The following TACC1 variants were observed in gnomAD, a reference collection of about 807,000 sequenced individuals.
The protein encoded by TACC1 is transforming acidic coiled-coil containing protein 1, also known as transforming acidic coiled-coil-containing protein 1.
Under a neutral mutation model 84.4 loss-of-function variants are expected in TACC1, and 48 were observed. The observed-to-expected ratio is 0.57, with a 90% CI of 0.45 to 0.72. TACC1 has a LOEUF of 0.72. Ranked by LOEUF, TACC1 falls within the 30% of genes least tolerant of loss-of-function variation. The pLI is 0.00. For missense variants in TACC1, 920 were observed against 973.0 expected, an observed-to-expected ratio of 0.95 and a Z score of 0.72; for synonymous variants, 372 against 376.3, an observed-to-expected ratio of 0.99 and a Z score of 0.13.
At chr8:38,733,272 C>T (rs1805322088) in intron 1 of TACC1, among the ~76,000 whole-genome samples, 1 of 151,952 alleles carries the variant, frequency 6.6e-6, no homozygotes. Flanking sequence ...GCAATAAATA[C>T]CCTCCATCTC....
Position 38,820,367 on chromosome 8 carries a change from G to A in TACC1, c.1123G>A (p.Gly375Arg), listed in dbSNP as rs764053112. ...GCCTACAGACCCAGTGGCACGAGAC[G>A]GGCCTCTCTCCCAAACATCTTCCAA... The part of the protein sequence containing the change: ...EQPTDPVARD[G>R]PLSQTSSKPD... The change falls in exon 3 of 13, where the codon GGG becomes AGG. Residue 375 changes from glycine (G) to arginine (R), a missense_variant. This residue lies in a region of TACC1 where 762 missense variants were observed against 747.3 expected (regional missense o/e 1.02). Coordinates refer to ENST00000317827, the MANE Select transcript of TACC1 (RefSeq NM_006283.3). 22 of 1,613,950 alleles carry A rather than the reference G, an allele frequency of 1.4e-5. No individual in the cohort carries two copies. Among genetic ancestry groups the A allele is most frequent in the African/African-American group, 4.0e-5 (3 of 74,884 alleles).
intron 6 of TACC1, among the ~76,000 whole-genome samples, chr8:38,834,285 C>T (rs1006821381): frequency 6.6e-6 from 1 of 152,190 alleles, no homozygotes; most frequent in African/African-American, 2.4e-5. Context: ...GCAGAGACAT[C>T]GGCTCCTTGC....
At chr8:38,827,396 C>G (rs1426550413) in intron 5 of TACC1, 21 bp downstream of exon 5, 1 of 1,611,504 alleles carries the variant, frequency 6.2e-7, no homozygotes, top group Non-Finnish European at 8.5e-7. Context: ...ATATCTTCAT[C>G]TTTCTAATGT....
chr8:38,837,528 C>T (rs142828381), intron 7 of TACC1, among the ~76,000 whole-genome samples: 154 of 152,280 alleles, frequency 1.0e-3, no homozygotes, highest in African/African-American at 3.3e-3. Context: ...TAGGGTCAAG[C>T]GATCCTCTTG....
chr8:38,730,611 G>A (rs1804732811), intron 1 of TACC1, among the ~76,000 whole-genome samples: 1 of 152,328 alleles, frequency 6.6e-6, no homozygotes, highest in African/African-American at 2.4e-5. Context: ...CTGGCTTGAG[G>A]GCACCCTGCC....
At chr8:38,827,079 T>C in intron 4 of TACC1, 89 bp from the exon 5 acceptor site, 1 of 1,112,334 alleles carries the variant, frequency 9.0e-7, no homozygotes, top group Non-Finnish European at 1.3e-6. Flanking sequence ...TGTATGGAGT[T>C]GTGTCTACTT....
chr8:38,812,131 C>G (rs1449109481), intron 2 of TACC1, among the ~76,000 whole-genome samples: 3 of 152,108 alleles, frequency 2.0e-5, no homozygotes, highest in African/African-American at 4.8e-5. Flanking sequence ...GCTCTCGAAC[C>G]CTGTTTTCTG....
At chr8:38,772,749 G>A (rs544270906) in intron 3 of TACC1, among the ~76,000 whole-genome samples, 147 of 151,872 alleles carry the variant, frequency 9.7e-4, no homozygotes, top group Non-Finnish European at 1.6e-3. Context: ...GTTAATAAAT[G>A]TAAATAAATA....
intron 1 of TACC1, chr8:38,788,222 G>C (rs1817774313): frequency 5.8e-6 from 1 of 173,328 alleles, no homozygotes; most frequent in African/African-American, 2.4e-5. Flanking sequence ...TCTCTGCCGG[G>C]CTGTCATCCG....
At chr8:38,763,400 T>TC (rs1389019690) in intron 3 of TACC1, among the ~76,000 whole-genome samples, 1 of 151,734 alleles carries the variant, frequency 6.6e-6, no homozygotes, top group Non-Finnish European at 1.5e-5. Context: ...CAAATAATTC[T>TC]CCCCCCTCAG....
intron 3 of TACC1, among the ~76,000 whole-genome samples, chr8:38,754,115 G>A (rs1381622354): frequency 1.3e-4 from 19 of 151,814 alleles, no homozygotes; most frequent in Admixed American, 1.2e-3. Context: ...CACCACACTT[G>A]GCTAATTTTT....
Position 38,846,709 on chromosome 8 carries a change from G to A in TACC1, c.2239G>A (p.Glu747Lys), listed in dbSNP as rs752964640. 6.2e-7 allele frequency: 1 copy of A among 1,614,112 alleles called. No homozygotes were observed. Among genetic ancestry groups the A allele is most frequent in the Non-Finnish European group, 8.5e-7 (1 of 1,180,014 alleles). The change falls in exon 12 of 13, where the codon GAG (glutamate) becomes AAG (lysine). Residue 747 changes from glutamate to lysine, a missense_variant. This residue lies in a region of TACC1 where 158 missense variants were observed against 225.6 expected (regional missense o/e 0.70). Transcript: ENST00000317827. ...AEEKLDKANE[E>K]IAQVRTKAKA... ...AAACACCATAAACAGAGCCAATGAA[G>A]AGATTGCTCAGGTTCGAACAAAAGC...
At chr8:38,771,664 C>G (rs1813644357) in intron 3 of TACC1, among the ~76,000 whole-genome samples, 2 of 152,188 alleles carry the variant, frequency 1.3e-5, no homozygotes, top group Admixed American at 6.5e-5. Context: ...CACAGATGGT[C>G]AGGCCCACCC....
intron 2 of TACC1, among the ~76,000 whole-genome samples, chr8:38,792,358 A>G (rs1433155964): frequency 1.3e-5 from 2 of 152,202 alleles, no homozygotes; most frequent in Non-Finnish European, 1.5e-5. Flanking sequence ...CAGTAGTATG[A>G]TCATAGCTTA....
At chr8:38,742,953 G>T (rs1439761272) in intron 2 of TACC1, among the ~76,000 whole-genome samples, 1 of 152,300 alleles carries the variant, frequency 6.6e-6, no homozygotes, top group East Asian at 1.9e-4. Context: ...GACCTCAAGA[G>T]ATTCACCTGT....
chr8:38,820,361 C>T lies in TACC1; in HGVS notation c.1117C>T (p.Arg373Ter), dbSNP rs149014810. The T allele has an allele frequency of 6.8e-6, 11 of 1,614,150 alleles. No homozygotes were observed. Among genetic ancestry groups the T allele is most frequent in the East Asian group, 2.2e-5 (1 of 44,878 alleles). Residue 373 changes from arginine to a stop codon, truncating the protein, a stop_gained, in exon 3 of 13, where the codon CGA (arginine) becomes TGA (stop). Transcript: ENST00000317827. LOFTEE classifies it high-confidence loss of function. The stretch of plus-strand genomic sequence containing the variant: ...AGAACAGCCTACAGACCCAGTGGCA[C>T]GAGACGGGCCTCTCTCCCAAACATC... ...GLEQPTDPVARDGPLSQTSSK... is the reference protein window; with the variant it reads ...GLEQPTDPVA
At chr8:38,746,142 A>G (rs191184061) in intron 3 of TACC1, among the ~76,000 whole-genome samples, 1 of 152,214 alleles carries the variant, frequency 6.6e-6, no homozygotes, top group Admixed American at 6.5e-5. Context: ...GTGTTATGTT[A>G]TTTTATAGTT....
intron 2 of TACC1, among the ~76,000 whole-genome samples, chr8:38,795,151 A>G (rs546945120): frequency 3.9e-5 from 6 of 152,274 alleles, no homozygotes; most frequent in Admixed American, 2.0e-4. Context: ...ACCTGCTTCT[A>G]TATGGTGCCT....
At chr8:38,729,019 CTTCTT>C (rs1804385453) in intron 1 of TACC1, among the ~76,000 whole-genome samples, 1 of 151,980 alleles carries the variant, frequency 6.6e-6, no homozygotes, top group Non-Finnish European at 1.5e-5. Context: ...TCTCTCTTCT[CTTCTT>C]TTTTCTTTCC....
Sources: gnomAD v4.1 joint callset for allele counts (sites outside exome capture counted in the v4.1 genomes callset) on GRCh38, gnomAD v4.1.1 for gene constraint, gnomAD v4.1.1 regional missense constraint, MANE v1.5 for transcripts, NCBI Gene and HGNC (gene_info 2026-07-23, HGNC 2026-07-21) for gene names.